FNIP1: variants seen among roughly 807,000 people sequenced by gnomAD.
FNIP1 encodes the protein folliculin-interacting protein 1.
FNIP1 carries 40 observed loss-of-function variants against 124.5 expected under a neutral mutation model. The ratio of observed to expected loss-of-function variants is 0.32; its 90% CI spans 0.25 to 0.42. The LOEUF (loss-of-function observed/expected upper bound fraction) is 0.42. FNIP1 is among the 10% of genes least tolerant of loss of function. FNIP1 has a pLI of 1.00. For synonymous variants in FNIP1, 472 were observed against 470.6 expected (o/e 1.00, Z -0.04); for missense variants, 1,176 against 1,403.7 (o/e 0.84, Z 2.59).
chr5:131,704,334 T>C (rs912062257), intron 9 of FNIP1, 68 bp from the exon 10 acceptor site: 4 of 1,290,780 alleles, frequency 3.1e-6, no homozygotes, highest in Non-Finnish European at 4.3e-6. Flanking sequence ...ATCTTCTTGC[T>C]AATTAAATGT....
chr5:131,724,553 G>A (rs1769790532), intron 3 of FNIP1, among the ~76,000 whole-genome samples: 1 of 151,942 alleles, frequency 6.6e-6, no homozygotes, highest in African/African-American at 2.4e-5. Context: ...TTTTTGATGG[G>A]GTTGTTTGTT....
At chr5:131,739,940 A>AT (rs1162282129) in intron 2 of FNIP1, among the ~76,000 whole-genome samples, 3 of 151,854 alleles carry the variant, frequency 2.0e-5, no homozygotes, top group Admixed American at 1.3e-4. Flanking sequence ...ATCATTGCTA[A>AT]TTTTTTTCCA....
At chr5:131,682,072 T>C (rs1302384517) in intron 11 of FNIP1, among the ~76,000 whole-genome samples, 1 of 152,166 alleles carries the variant, frequency 6.6e-6, no homozygotes, top group Non-Finnish European at 1.5e-5. Context: ...TTTTTAATTA[T>C]TGGACCTTTC....
intron 2 of FNIP1, among the ~76,000 whole-genome samples, chr5:131,742,269 G>C (rs558860860): frequency 2.0e-5 from 3 of 152,316 alleles, no homozygotes; most frequent in Non-Finnish European, 4.4e-5. Context: ...TTCGAGACCA[G>C]TCTGGCCAAC....
intron 13 of FNIP1, among the ~76,000 whole-genome samples, chr5:131,674,114 C>T (rs549345511): frequency 1.6e-4 from 25 of 152,040 alleles, no homozygotes; most frequent in African/African-American, 5.5e-4. Context: ...AACTGTTGTT[C>T]CTCTAGCCAG....
chr5:131,794,545 A>C (rs1412996648), intron 1 of FNIP1, among the ~76,000 whole-genome samples: 1 of 152,258 alleles, frequency 6.6e-6, no homozygotes, highest in Non-Finnish European at 1.5e-5. Context: ...TATTCATAAT[A>C]GCCCAAATCT....
chr5:131,720,019 T>A (rs1769604566), intron 3 of FNIP1, among the ~76,000 whole-genome samples: 1 of 152,168 alleles, frequency 6.6e-6, no homozygotes, highest in East Asian at 1.9e-4. Flanking sequence ...GACCACAACC[T>A]TCTTCTTCAA....
chr5:131,673,704 A>C (rs1250229725), intron 13 of FNIP1, among the ~76,000 whole-genome samples: 1 of 152,206 alleles, frequency 6.6e-6, no homozygotes, highest in Middle Eastern at 3.2e-3. Context: ...GCAAAGCTAT[A>C]GTCGTCACAC....
intron 1 of FNIP1, among the ~76,000 whole-genome samples, chr5:131,751,078 G>C (rs567807548): frequency 1.3e-5 from 2 of 152,218 alleles, no homozygotes; most frequent in East Asian, 3.9e-4. Flanking sequence ...CCTTTGCTTA[G>C]ATGTAAAGCT....
In FNIP1 at chr5:131,742,427, C is replaced by A. The variant is rs558926469; in HGVS notation, c.219+2137G>T. On this transcript the variant is annotated intron_variant, in intron 2 of 17. Coordinates refer to ENST00000510461, the MANE Select transcript of FNIP1 (RefSeq NM_133372.3). ...TCAGTGAGCTGAGATTGTGCCACTG[C>A]ACTCCAGCCTGGGCGAGAGAGCGAG... Among the ~76,000 whole-genome samples, 157 of 152,230 alleles carry A rather than the reference C, an allele frequency of 1.0e-3. 1 individual carries two copies. Among genetic ancestry groups the A allele is most frequent in the African/African-American group, 3.6e-3 (150 of 41,534 alleles).
chr5:131,706,045 T>C (rs1769097053), intron 9 of FNIP1, among the ~76,000 whole-genome samples: 2 of 151,780 alleles, frequency 1.3e-5, no homozygotes, highest in African/African-American at 4.8e-5. Flanking sequence ...TGAATGAAAA[T>C]TCATAAAGAC....
chr5:131,693,374 CAACAG>C (rs1169236685), intron 11 of FNIP1, among the ~76,000 whole-genome samples: 2 of 75,380 alleles, frequency 2.7e-5, no homozygotes, highest in African/African-American at 4.8e-5. Flanking sequence ...TTACAGAGAT[CAACAG>C]AACAGAACAG....
chr5:131,725,170 T>C (rs1769818196), intron 3 of FNIP1, among the ~76,000 whole-genome samples: 1 of 152,182 alleles, frequency 6.6e-6, no homozygotes, highest in Non-Finnish European at 1.5e-5. Flanking sequence ...CTTAGGATTT[T>C]CTTGGCTATA....
chr5:131,746,646 C>T (rs1770692095), intron 1 of FNIP1, among the ~76,000 whole-genome samples: 1 of 152,164 alleles, frequency 6.6e-6, no homozygotes, highest in South Asian at 2.1e-4. Context: ...ATAGTACATA[C>T]ATACCACATT....
rs1580748525 is a variant in FNIP1, at chr5:131,679,070, C to T, written c.1308G>A (p.Met436Ile). 3.1e-6 allele frequency: 5 copies of T among 1,612,632 alleles called. No homozygotes were observed. In the East Asian group the frequency reaches 1.1e-4, roughly 36 times the overall value. The change falls in exon 12 of 18, where the codon ATG becomes ATA. Residue 436 changes from methionine (M) to isoleucine (I), a missense_variant. By Grantham distance (10) the Met-to-Ile change is conservative. Transcript: ENST00000510461. Reference protein sequence around the residue: ...PEKNHLCYRFMKEFTFLMENA... With the variant: ...PEKNHLCYRFIKEFTFLMENA... ...TTTCCATTAGAAAGGTGAACTCCTT[C>T]ATGAAACGATAGCAAAGGTGGTTCT...
chr5:131,672,802 G>A lies in FNIP1; in HGVS notation c.1642C>T (p.Leu548Phe). The A allele has an allele frequency of 6.2e-7, 1 of 1,613,610 alleles. No individual in the cohort carries two copies. Among genetic ancestry groups the A allele is most frequent in the Non-Finnish European group, 8.5e-7 (1 of 1,179,890 alleles). ...TTTTCTAAAAGATGCGTTTCTTGAA[G>A]TTCAGAGCATCTTATAAAATAAGTA... ...FLTYFIRCSELQETHLLENGE... is the reference protein window; with the variant it reads ...FLTYFIRCSEFQETHLLENGE... The change falls in exon 14 of 18, where the codon CTT (leucine) becomes TTT (phenylalanine). Residue 548 changes from leucine to phenylalanine, a missense_variant. Physicochemically the swap from Leu to Phe is conservative, Grantham distance 22. Coordinates refer to ENST00000510461, the MANE Select transcript of FNIP1 (RefSeq NM_133372.3).
chr5:131,729,907 A>C (rs1770020923), intron 3 of FNIP1, among the ~76,000 whole-genome samples: 1 of 151,600 alleles, frequency 6.6e-6, no homozygotes, highest in Admixed American at 6.6e-5. Flanking sequence ...CACCATGCCT[A>C]ATTTTACATT....
intron 9 of FNIP1, among the ~76,000 whole-genome samples, chr5:131,705,729 CA>C (rs1376368903): frequency 6.6e-6 from 1 of 152,106 alleles, no homozygotes; most frequent in Non-Finnish European, 1.5e-5. Flanking sequence ...TATGATCCAG[CA>C]ATTCCACTTC....
chr5:131,788,984 T>C (rs1036154103), intron 1 of FNIP1, among the ~76,000 whole-genome samples: 1 of 152,196 alleles, frequency 6.6e-6, no homozygotes, highest in Non-Finnish European at 1.5e-5. Context: ...ACGGCAACAG[T>C]ATTTACACTA....
Sources: allele counts gnomAD v4.1 joint callset (sites outside exome capture counted in the v4.1 genomes callset), GRCh38; gene constraint gnomAD v4.1.1; transcripts MANE v1.5; gene names NCBI Gene and HGNC (gene_info 2026-07-23, HGNC 2026-07-21).